THRB: variants seen among roughly 807,000 people sequenced by gnomAD.
THRB encodes nuclear receptor subfamily 1 group A member 2.
THRB carries 12 observed loss-of-function variants against 47.8 expected under a neutral mutation model. That is an observed-to-expected ratio of 0.25 (90% confidence interval 0.16 to 0.41). The LOEUF is 0.41. Among genes scored for constraint, THRB ranks in the 10% least tolerant of loss-of-function variants. THRB has a pLI of 1.00. For synonymous variants in THRB, 218 were observed against 212.2 expected (o/e 1.03, Z -0.24); for missense variants, 348 against 589.2 (o/e 0.59, Z 4.24).
At chr3:24,255,763 C>T (rs1041039672) in intron 3 of THRB, among the ~76,000 whole-genome samples, 2 of 152,200 alleles carry the variant, frequency 1.3e-5, no homozygotes, top group African/African-American at 2.4e-5. Context: ...GAGAGACAGA[C>T]AGGAGACTGG....
intron 2 of THRB, among the ~76,000 whole-genome samples, chr3:24,333,215 GA>G (rs1240252070): frequency 6.6e-6 from 1 of 152,068 alleles, no homozygotes; most frequent in Admixed American, 6.6e-5. Flanking sequence ...AAAAAAAGTG[GA>G]AAAATGTCAA....
chr3:24,272,343 C>CAAA (rs2150671132), intron 3 of THRB, among the ~76,000 whole-genome samples: 1 of 93,356 alleles, frequency 1.1e-5, no homozygotes, highest in African/African-American at 3.8e-5. Context: ...AAGACTCTCT[C>CAAA]TCAAAACAAC....
intron 5 of THRB, among the ~76,000 whole-genome samples, chr3:24,158,844 C>T (rs565372777): frequency 0.044 from 1,553 of 35,330 alleles, 68 homozygotes; most frequent in Admixed American, 0.21. Flanking sequence ...AGCTCTTCCT[C>T]TCTCTCTCTC....
intron 1 of THRB, among the ~76,000 whole-genome samples, chr3:24,360,365 A>C (rs978185977): frequency 1.3e-5 from 2 of 152,172 alleles, no homozygotes; most frequent in African/African-American, 2.4e-5. Context: ...CAGCATCAGC[A>C]TCACCTAGGA....
At chr3:24,148,315 C>G (rs974141253) in intron 6 of THRB, among the ~76,000 whole-genome samples, 1 of 151,972 alleles carries the variant, frequency 6.6e-6, no homozygotes. Flanking sequence ...TTAGTAGAGA[C>G]GGGGTTTTGC....
chr3:24,233,591 G>GAAAGAAAGAGAAAGAAAGAAAAAT (rs2048522729), intron 3 of THRB, among the ~76,000 whole-genome samples: 62 of 69,406 alleles, frequency 8.9e-4, no homozygotes, highest in African/African-American at 1.7e-3. Context: ...AAGAAAGAAA[G>GAAAGAAAGAGAAAGAAAGAAAAAT]AAAGAAAGAA....
In THRB at chr3:24,121,877, G is replaced by A. The variant is rs186243881; in HGVS notation, c.*1007C>T. On this transcript the variant is annotated 3_prime_UTR_variant, in exon 11 of 11. Transcript: ENST00000646209. ...CTCAGAATGTAGCTGCACTAATCTCGCCTCAGCATTTCTCCAGAAGAAGAC... is the reference window on the plus strand; with the variant it reads ...CTCAGAATGTAGCTGCACTAATCTCACCTCAGCATTTCTCCAGAAGAAGAC... 1 of 152,596 alleles carries A rather than the reference G, an allele frequency of 6.6e-6. No individual in the cohort carries two copies. Among genetic ancestry groups the A allele is most frequent in the Non-Finnish European group, 1.5e-5 (1 of 68,034 alleles). The allele number at this position is 152,596 out of a possible 1,614,324, so 9.5% of individuals were successfully genotyped here. A position where few individuals can be genotyped will look rare whatever the true frequency, so the allele number is the denominator to read the frequency against.
At chr3:24,147,913 G>C (rs1392866142) in intron 6 of THRB, among the ~76,000 whole-genome samples, 1 of 152,074 alleles carries the variant, frequency 6.6e-6, no homozygotes, top group Non-Finnish European at 1.5e-5. Flanking sequence ...AAACCACCCA[G>C]CAATGACCCC....
intron 3 of THRB, among the ~76,000 whole-genome samples, chr3:24,251,841 A>G (rs1004150542): frequency 9.2e-5 from 14 of 152,108 alleles, no homozygotes; most frequent in African/African-American, 3.1e-4. Context: ...GATACCAAAA[A>G]TTTGGAAAAG....
chr3:24,423,742 A>T (rs1359003159), intron 1 of THRB, among the ~76,000 whole-genome samples: 1 of 151,838 alleles, frequency 6.6e-6, no homozygotes, highest in East Asian at 2.0e-4. Flanking sequence ...AATTATGTTA[A>T]TCAGTACTTT....
intron 3 of THRB, among the ~76,000 whole-genome samples, chr3:24,240,160 C>T (rs1333078598): frequency 6.6e-6 from 1 of 152,142 alleles, no homozygotes; most frequent in African/African-American, 2.4e-5. Context: ...ACCCCTCACT[C>T]TTTGTGAGAC....
At chr3:24,375,387 T>C (rs1293356289) in intron 1 of THRB, among the ~76,000 whole-genome samples, 1 of 137,386 alleles carries the variant, frequency 7.3e-6, no homozygotes, top group East Asian at 2.0e-4. Flanking sequence ...ATAATATTAA[T>C]ATATTATAGT....
chr3:24,214,565 G>A (rs561331642), intron 4 of THRB, among the ~76,000 whole-genome samples: 2 of 152,352 alleles, frequency 1.3e-5, no homozygotes, highest in South Asian at 4.1e-4. Flanking sequence ...ACCCTCACCA[G>A]TCTCTGAATC....
chr3:24,161,627 C>G (rs2038844984), intron 5 of THRB, among the ~76,000 whole-genome samples: 1 of 149,774 alleles, frequency 6.7e-6, no homozygotes, highest in African/African-American at 2.5e-5. Context: ...AACACACACA[C>G]ACACACACAC....
chr3:24,299,109 G>A (rs868591000), intron 2 of THRB, among the ~76,000 whole-genome samples: 5 of 151,654 alleles, frequency 3.3e-5, no homozygotes, highest in Admixed American at 6.6e-5. Flanking sequence ...TTAGCTGGGC[G>A]TGGTGGCGGG....
intron 3 of THRB, among the ~76,000 whole-genome samples, chr3:24,287,009 A>G (rs1429480117): frequency 6.6e-6 from 1 of 152,214 alleles, no homozygotes; most frequent in African/African-American, 2.4e-5. Context: ...ATTCCAAGGA[A>G]TAAAATTTAA....
rs1459625061 is a variant in THRB at position 24,398,462 on chromosome 3, C to A, written c.-260-61091G>T. Among the ~76,000 whole-genome samples, 5 of 152,154 alleles carry A rather than the reference C, an allele frequency of 3.3e-5. No individual in the cohort carries two copies. The East Asian group carries it at 9.6e-4, about 29-fold the overall frequency. On this transcript the variant is annotated intron_variant, in intron 1 of 10. Coordinates refer to ENST00000646209, the MANE Select transcript of THRB (RefSeq NM_001354712.2). ...CAAAGGAAGACACTTATGCAGCCAA[C>A]AGACACATGAAAAAATGCTCATCAT...
chr3:24,179,370 T>C (rs559508099), intron 5 of THRB, among the ~76,000 whole-genome samples: 3 of 152,380 alleles, frequency 2.0e-5, no homozygotes, highest in Non-Finnish European at 2.9e-5. Context: ...GCATGATGTT[T>C]ATAACTTACT....
At chr3:24,403,636 A>G (rs1011039196) in intron 1 of THRB, among the ~76,000 whole-genome samples, 2 of 152,012 alleles carry the variant, frequency 1.3e-5, no homozygotes, top group African/African-American at 2.4e-5. Context: ...CTCGCACCAT[A>G]CAATTGCAGA....
Sources: gnomAD v4.1 joint callset for allele counts (sites outside exome capture counted in the v4.1 genomes callset) on GRCh38, gnomAD v4.1.1 for gene constraint, MANE v1.5 for transcripts, NCBI Gene and HGNC (gene_info 2026-07-23, HGNC 2026-07-21) for gene names.